KLF8: variants seen among roughly 807,000 people sequenced by gnomAD.
KLF8 encodes the protein KLF transcription factor 8, also known as Krueppel-like factor 8.
In KLF8, 10 loss-of-function variants were observed where a neutral mutation model predicts 18.2. The observed-to-expected ratio is 0.55, with a 90% CI of 0.34 to 0.93. The LOEUF (loss-of-function observed/expected upper bound fraction) is 0.93, where lower values mean the gene tolerates loss of function less well. Ranked by LOEUF, KLF8 falls within the 40% of genes least tolerant of loss-of-function variation. The probability of loss-of-function intolerance (pLI) is 0.02; values close to 1 mark genes in which losing one functional copy is unlikely to be tolerated. For missense variants in KLF8, 264 were observed against 277.9 expected, an observed-to-expected ratio of 0.95 and a Z score of 0.36; for synonymous variants, 109 against 97.3, an observed-to-expected ratio of 1.12 and a Z score of -0.71.
rs768058968 is a variant in KLF8, at chrX:56,265,210, C to A, written c.112C>A (p.Pro38Thr). ...TGCTTCTGTTCGGAACAGAGATCCC[C>A]CTGAGATAGAATACAGAAGTAATAT... ...VTASVRNRDP[P>T]EIEYRSNMTS... The change falls in exon 3 of 6, where the codon CCT becomes ACT. Residue 38 changes from proline to threonine, a missense_variant. By Grantham distance (38) the Pro-to-Thr change is conservative. Transcript: ENST00000468660. The A allele has an allele frequency of 9.9e-6, 12 of 1,206,369 alleles. No individual in the cohort carries two copies. The highest frequency in any genetic ancestry group is 1.3e-5 in the Non-Finnish European group (12 of 891,914).
chrX:56,017,222 A>G, the KLF8 span, among the ~76,000 whole-genome samples: 1 of 112,233 alleles, frequency 8.9e-6, no homozygotes, highest in African/African-American at 3.2e-5. Flanking sequence ...AGCTAGTATT[A>G]GGGACCTGGC....
At chrX:56,174,557 C>CT in the KLF8 span, among the ~76,000 whole-genome samples, 1 of 111,449 alleles carries the variant, frequency 9.0e-6, no homozygotes, top group Non-Finnish European at 1.9e-5. Flanking sequence ...CTAAAATTCT[C>CT]TTTTTTTGTT....
At position 56,288,424 on chromosome X, in the gene KLF8, C is replaced by A. The variant is rs2067290892; in HGVS notation, c.*3930C>A. Among the ~76,000 whole-genome samples, 1 of 110,946 alleles carries A rather than the reference C, an allele frequency of 9.0e-6. No homozygotes were observed. Among genetic ancestry groups the A allele is most frequent in the Non-Finnish European group, 1.9e-5 (1 of 53,020 alleles). On this transcript the variant is annotated 3_prime_UTR_variant, in exon 6 of 6. Transcript: ENST00000468660. ...GTCAGTTGTCTTTCTCATGATTAGA[C>A]TGAGGTTATGAGTTTTTGAAAGTAG...
At chrX:56,175,723 G>C in the KLF8 span, among the ~76,000 whole-genome samples, 1 of 111,156 alleles carries the variant, frequency 9.0e-6, no homozygotes, top group Non-Finnish European at 1.9e-5. Flanking sequence ...TTATTATCGC[G>C]TGGGAGTCTA....
At chrX:55,951,359 C>T in the KLF8 span, among the ~76,000 whole-genome samples, 1 of 108,082 alleles carries the variant, frequency 9.3e-6, no homozygotes, top group Admixed American at 1.0e-4. Flanking sequence ...GCCTGTCATC[C>T]CAGCTACTTG....
At chrX:56,210,063 G>T in the KLF8 span, among the ~76,000 whole-genome samples, 5 of 111,308 alleles carry the variant, frequency 4.5e-5, no homozygotes, top group East Asian at 1.1e-3. Flanking sequence ...TCTACTTAAG[G>T]TAAAAGTAGT....
intron 5 of KLF8, among the ~76,000 whole-genome samples, chrX:56,271,180 A>G (rs1379543295): frequency 9.0e-6 from 1 of 111,500 alleles, no homozygotes; most frequent in African/African-American, 3.3e-5. Flanking sequence ...AGCATCCATG[A>G]ATTTCGTTAT....
At chrX:55,999,303 G>T in the KLF8 span, among the ~76,000 whole-genome samples, 367 of 26,249 alleles carry the variant, frequency 0.014, 1 homozygote, top group East Asian at 0.021. Context: ...TTTTTGCTTC[G>T]TTTTGTTTTG....
the KLF8 span, among the ~76,000 whole-genome samples, chrX:56,086,236 G>C: frequency 9.0e-6 from 1 of 111,704 alleles, no homozygotes; most frequent in Non-Finnish European, 1.9e-5. Flanking sequence ...TTAGTAAATC[G>C]TATTTCTCTA....
the KLF8 span, among the ~76,000 whole-genome samples, chrX:55,928,361 C>CT: frequency 1.0e-4 from 11 of 109,861 alleles, no homozygotes; most frequent in South Asian, 3.9e-4. Context: ...TTTCCCTTTT[C>CT]TTTTTTTTTC....
the KLF8 span, among the ~76,000 whole-genome samples, chrX:56,069,330 G>A: frequency 1.8e-5 from 2 of 111,849 alleles, no homozygotes; most frequent in East Asian, 2.8e-4. Context: ...CTGACCCAGT[G>A]GCCCTGCTAT....
chrX:56,145,218 G>T, the KLF8 span, among the ~76,000 whole-genome samples: 1 of 112,102 alleles, frequency 8.9e-6, no homozygotes, highest in Non-Finnish European at 1.9e-5. Flanking sequence ...CACATGAAAA[G>T]ATGCTCAACA....
At chrX:55,952,909 TC>T in the KLF8 span, among the ~76,000 whole-genome samples, 1 of 111,902 alleles carries the variant, frequency 8.9e-6, no homozygotes, top group Non-Finnish European at 1.9e-5. Flanking sequence ...ATTATTAATA[TC>T]CCCATATTTT....
rs762873069 is a variant in KLF8 at position 56,290,990 on chromosome X, C to T, written c.*6496C>T. Among the ~76,000 whole-genome samples, 1 of 111,071 alleles carries T rather than the reference C, an allele frequency of 9.0e-6. No individual in the cohort carries two copies. Among genetic ancestry groups the T allele is most frequent in the South Asian group, 3.8e-4 (1 of 2,629 alleles). ...ATTACTTTATAACTATGCTGTATGC[C>T]ATGCTGTTTTCATTGTATCACAGAA... On this transcript the variant is annotated 3_prime_UTR_variant, in exon 6 of 6. Coordinates refer to ENST00000468660, the MANE Select transcript of KLF8 (RefSeq NM_007250.5).
At chrX:56,120,110 C>A in the KLF8 span, among the ~76,000 whole-genome samples, 1 of 110,862 alleles carries the variant, frequency 9.0e-6, no homozygotes, top group Non-Finnish European at 1.9e-5. Flanking sequence ...GCAAATAGAG[C>A]TCCAAAACTA....
At chrX:56,082,813 G>A in the KLF8 span, among the ~76,000 whole-genome samples, 2 of 111,396 alleles carry the variant, frequency 1.8e-5, no homozygotes, top group African/African-American at 6.5e-5. Context: ...TTGAATTCTT[G>A]GTTGGCAGTT....
chrX:56,166,742 G>C, the KLF8 span, among the ~76,000 whole-genome samples: 1 of 111,879 alleles, frequency 8.9e-6, no homozygotes, highest in Non-Finnish European at 1.9e-5. Context: ...AGATTGTACA[G>C]CTTTACTGTT....
At chrX:55,956,034 C>G in the KLF8 span, among the ~76,000 whole-genome samples, 35 of 110,858 alleles carry the variant, frequency 3.2e-4, no homozygotes, top group Non-Finnish European at 5.1e-4. Context: ...CCAGTTTACT[C>G]ATATATATTA....
the KLF8 span, among the ~76,000 whole-genome samples, chrX:56,203,713 T>C: frequency 8.9e-6 from 1 of 112,055 alleles, no homozygotes; most frequent in Non-Finnish European, 1.9e-5. Flanking sequence ...TATTGTCACG[T>C]TTGTCAAAAA....
Sources: gnomAD v4.1 joint callset for allele counts (sites outside exome capture counted in the v4.1 genomes callset) on GRCh38, gnomAD v4.1.1 for gene constraint, MANE v1.5 for transcripts, NCBI Gene and HGNC (gene_info 2026-07-23, HGNC 2026-07-21) for gene names.